The following CADM2 variants were observed in gnomAD, a reference collection of about 807,000 sequenced individuals.
CADM2 encodes immunoglobulin superfamily member 4D.
CADM2 carries 12 observed loss-of-function variants against 49.8 expected under a neutral mutation model. The ratio of observed to expected loss-of-function variants is 0.24; its 90% CI spans 0.15 to 0.39. The LOEUF is 0.39. Among genes scored for constraint, CADM2 ranks in the 10% least tolerant of loss-of-function variants. The pLI is 1.00. For missense variants in CADM2, 378 were observed against 492.3 expected, an observed-to-expected ratio of 0.77 and a Z score of 2.20; for synonymous variants, 214 against 175.4, an observed-to-expected ratio of 1.22 and a Z score of -1.74.
At chr3:85,475,231 G>C (rs1202907333) in intron 1 of CADM2, among the ~76,000 whole-genome samples, 2 of 151,818 alleles carry the variant, frequency 1.3e-5, no homozygotes, top group Admixed American at 1.3e-4. Flanking sequence ...GATAATTGAG[G>C]TACTCAGACC....
intron 1 of CADM2, among the ~76,000 whole-genome samples, chr3:85,611,737 A>C (rs1312900813): frequency 6.7e-6 from 1 of 150,198 alleles, no homozygotes; most frequent in Admixed American, 6.7e-5. Context: ...GAGAATGAAG[A>C]GATTTGGTAA....
At chr3:84,975,833 A>G (rs1160085345) in intron 1 of CADM2, among the ~76,000 whole-genome samples, 1 of 151,828 alleles carries the variant, frequency 6.6e-6, no homozygotes, top group Non-Finnish European at 1.5e-5. Flanking sequence ...ACATCTTCTA[A>G]ACTAATAAGC....
chr3:85,512,303 G>T (rs979885434), intron 1 of CADM2, among the ~76,000 whole-genome samples: 10 of 152,018 alleles, frequency 6.6e-5, no homozygotes, highest in African/African-American at 2.4e-4. Flanking sequence ...TCACTTAGGA[G>T]AATGGCCTCC....
intron 1 of CADM2, among the ~76,000 whole-genome samples, chr3:85,650,300 T>G (rs2065006510): frequency 6.6e-6 from 1 of 152,290 alleles, no homozygotes. Context: ...TGTGAGTAGA[T>G]AAAAGATCTC....
chr3:85,695,381 C>G (rs1318641998), intron 1 of CADM2, among the ~76,000 whole-genome samples: 1 of 151,956 alleles, frequency 6.6e-6, no homozygotes, highest in African/African-American at 2.4e-5. Flanking sequence ...CCTTTGTATG[C>G]CCTTGCTTAC....
At chr3:85,216,177 T>C (rs976745223) in intron 1 of CADM2, among the ~76,000 whole-genome samples, 4 of 151,540 alleles carry the variant, frequency 2.6e-5, no homozygotes, top group African/African-American at 9.7e-5. Flanking sequence ...CCCTATAATA[T>C]TGTTTTCATG....
At chr3:85,195,099 A>G (rs1344503881) in intron 1 of CADM2, among the ~76,000 whole-genome samples, 1 of 152,064 alleles carries the variant, frequency 6.6e-6, no homozygotes, top group African/African-American at 2.4e-5. Flanking sequence ...TTTAGTGGCA[A>G]AAGTACTCAA....
intron 1 of CADM2, among the ~76,000 whole-genome samples, chr3:85,278,657 C>G (rs559360547): frequency 4.8e-4 from 72 of 151,014 alleles, no homozygotes; most frequent in African/African-American, 1.6e-3. Flanking sequence ...AGTGCATGCT[C>G]TCTTCTGAAG....
At chr3:85,628,100 A>G (rs1201226073) in intron 1 of CADM2, among the ~76,000 whole-genome samples, 1 of 152,072 alleles carries the variant, frequency 6.6e-6, no homozygotes, top group African/African-American at 2.4e-5. Context: ...ACTGGGAGAC[A>G]CTTTACCTTA....
chr3:85,229,949 TA>T (rs1396241735), intron 1 of CADM2, among the ~76,000 whole-genome samples: 1 of 152,248 alleles, frequency 6.6e-6, no homozygotes, highest in Admixed American at 6.5e-5. Context: ...ATTAAACTGA[TA>T]TTTGTAAGAT....
At chr3:85,101,373 G>A (rs545864018) in intron 1 of CADM2, among the ~76,000 whole-genome samples, 13 of 152,154 alleles carry the variant, frequency 8.5e-5, no homozygotes, top group Middle Eastern at 3.4e-3. Flanking sequence ...TAGTTGTTTT[G>A]TAATACCACA....
chr3:85,645,292 T>C (rs1336040370), intron 1 of CADM2, among the ~76,000 whole-genome samples: 1 of 152,052 alleles, frequency 6.6e-6, no homozygotes, highest in Non-Finnish European at 1.5e-5. Flanking sequence ...TATGACAAAA[T>C]TGTTGCAGCA....
intron 1 of CADM2, among the ~76,000 whole-genome samples, chr3:85,028,294 C>T (rs547197762): frequency 6.6e-6 from 1 of 152,226 alleles, no homozygotes; most frequent in South Asian, 2.1e-4. Context: ...TGTATTGAAC[C>T]ATCCATATTT....
intron 1 of CADM2, among the ~76,000 whole-genome samples, chr3:85,642,075 G>A (rs2064734689): frequency 6.6e-6 from 1 of 152,062 alleles, no homozygotes; most frequent in Admixed American, 6.6e-5. Context: ...AAAAGAAAAA[G>A]AAAAAAATCA....
At position 85,254,067 on chromosome 3, in the gene CADM2, T is replaced by C. The variant is rs150074006; in HGVS notation, c.61+294399T>C. On this transcript the variant is annotated intron_variant, in intron 1 of 9. Coordinates refer to ENST00000383699, the MANE Select transcript of CADM2 (RefSeq NM_001167675.2). ...GTTGCAAGTTCCAGGTTGTGAACTG[T>C]ACTTCTTATTGACCAGCTATAATCC... Among the ~76,000 whole-genome samples the C allele has an allele frequency of 4.7e-3, 709 of 152,232 alleles. 7 individuals carry two copies. Among genetic ancestry groups the C allele is most frequent in the African/African-American group, 0.017 (687 of 41,570 alleles).
At chr3:85,709,192 A>G (rs1051735383) in intron 1 of CADM2, among the ~76,000 whole-genome samples, 2 of 152,136 alleles carry the variant, frequency 1.3e-5, no homozygotes, top group Non-Finnish European at 2.9e-5. Flanking sequence ...AAACGTCACC[A>G]ATGCTTCCAA....
chr3:85,840,950 T>C (rs2074612995), intron 3 of CADM2, among the ~76,000 whole-genome samples: 2 of 151,836 alleles, frequency 1.3e-5, no homozygotes, highest in South Asian at 4.1e-4. Context: ...CTACATATCA[T>C]ATTTATTACT....
intron 1 of CADM2, among the ~76,000 whole-genome samples, chr3:85,251,793 T>G (rs1264397145): frequency 1.3e-5 from 2 of 151,954 alleles, no homozygotes; most frequent in African/African-American, 4.8e-5. Context: ...TCACTTTGTG[T>G]TTTCAAATAC....
At chr3:85,212,685 A>G (rs1171800899) in intron 1 of CADM2, among the ~76,000 whole-genome samples, 1 of 151,754 alleles carries the variant, frequency 6.6e-6, no homozygotes, top group African/African-American at 2.4e-5. Context: ...TGATATGTTT[A>G]TCTTTTAGAA....
Sources: gnomAD v4.1 joint callset for allele counts (sites outside exome capture counted in the v4.1 genomes callset) on GRCh38, gnomAD v4.1.1 for gene constraint, MANE v1.5 for transcripts, NCBI Gene and HGNC (gene_info 2026-07-23, HGNC 2026-07-21) for gene names.